The following EP400 variants were observed in gnomAD, a reference collection of about 807,000 sequenced individuals.
EP400 encodes E1A binding protein p400.
EP400 carries 105 observed loss-of-function variants against 354.1 expected under a neutral mutation model. That is an observed-to-expected ratio of 0.30 (90% CI 0.25 to 0.35). EP400 has a LOEUF of 0.35. Ranked by LOEUF, EP400 falls within the 10% of genes least tolerant of loss-of-function variation. EP400 has a pLI of 1.00. For missense variants in EP400, 3,280 were observed against 4,121.0 expected (o/e 0.80, Z 5.59); for synonymous variants, 1,646 against 1,716.9 (o/e 0.96, Z 1.02).
chr12:132,027,416 T>C lies in EP400; in HGVS notation c.5015-21T>C. On this transcript the variant is annotated intron_variant, in intron 25 of 52. Coordinates refer to ENST00000389561, the MANE Select transcript of EP400 (RefSeq NM_015409.5). This position sits in a 1 kb window ranked among gnomAD's most constrained non-coding sequence, Gnocchi z 4.9. ...TGTGAACTTGGCGTTCCTTTTCACC[T>C]CTTCCTTTATGCATTTGTAGTTGGC... The C allele has an allele frequency of 6.2e-7, 1 of 1,613,756 alleles. No individual in the cohort carries two copies. Among genetic ancestry groups the C allele is most frequent in the Admixed American group, 1.7e-5 (1 of 60,034 alleles).
chr12:132,064,107 C>T (rs1484055668), intron 47 of EP400, among the ~76,000 whole-genome samples: 3 of 151,192 alleles, frequency 2.0e-5, no homozygotes, highest in Non-Finnish European at 4.4e-5. Context: ...TACAGCCACA[C>T]AGGTGCCTTG....
At chr12:132,026,344 C>T (rs1363435727) in intron 25 of EP400, among the ~76,000 whole-genome samples, 1 of 152,202 alleles carries the variant, frequency 6.6e-6, no homozygotes, top group Non-Finnish European at 1.5e-5. Flanking sequence ...GAGGCTCTCT[C>T]CTTGGGATGG....
At position 132,013,320 on chromosome 12, in the gene EP400, C is replaced by T. The variant is rs1893824453; in HGVS notation, c.3611+142C>T. 3 of 1,394,328 alleles carry T rather than the reference C, an allele frequency of 2.2e-6. No homozygotes were observed. The highest frequency in any genetic ancestry group is 2.9e-6 in the Non-Finnish European group (3 of 1,040,544). 86.4% of individuals were successfully genotyped at this position (1,394,328 alleles called of 1,614,324 possible). A position where few individuals can be genotyped will look rare whatever the true frequency, so the allele number is the denominator to read the frequency against. On this transcript the variant is annotated intron_variant, in intron 17 of 52. Transcript: ENST00000389561. This position sits in a 1 kb window ranked among gnomAD's most constrained non-coding sequence, Gnocchi z 4.5. ...TTTCATCTTCATCCCAGCACATGGGCCAGAGAGCCCCAGAGCTGGGTCAGT... is the reference window on the plus strand; with the variant it reads ...TTTCATCTTCATCCCAGCACATGGGTCAGAGAGCCCCAGAGCTGGGTCAGT...
At chr12:131,958,988 A>C (rs1891792060) in intron 1 of EP400, among the ~76,000 whole-genome samples, 1 of 152,196 alleles carries the variant, frequency 6.6e-6, no homozygotes, top group Non-Finnish European at 1.5e-5. Context: ...AAGGCACCTC[A>C]AGAAGACAGG....
chr12:132,072,228 C>A (rs986406901), intron 51 of EP400, among the ~76,000 whole-genome samples: 5 of 152,206 alleles, frequency 3.3e-5, no homozygotes, highest in Non-Finnish European at 4.4e-5. Context: ...CCGGAGGGCC[C>A]GGGACCGCAG....
intron 47 of EP400, among the ~76,000 whole-genome samples, chr12:132,063,638 G>A (rs906232581): frequency 1.3e-5 from 2 of 152,182 alleles, no homozygotes; most frequent in Non-Finnish European, 2.9e-5. Flanking sequence ...TGGGCCTGCC[G>A]GAGTGCTTGA....
In EP400 at chr12:132,013,704, T is replaced by C; in HGVS notation, c.3786+40T>C. The C allele has an allele frequency of 6.2e-7, 1 of 1,607,490 alleles. No homozygotes were observed. The highest frequency in any genetic ancestry group is 8.5e-7 in the Non-Finnish European group (1 of 1,176,082). ...GCCATTTCAGTTAATTAATTAAACA[T>C]GCGTATGCCTTGTTATAAACGTGTT... On this transcript the variant is annotated intron_variant, in intron 18 of 52. Transcript: ENST00000389561. The surrounding 1 kb of genome is among the most constrained non-coding windows in gnomAD (Gnocchi z 4.5).
At chr12:132,057,050 G>A (rs984215675) in intron 45 of EP400, among the ~76,000 whole-genome samples, 2 of 152,194 alleles carry the variant, frequency 1.3e-5, no homozygotes, top group Non-Finnish European at 2.9e-5. Flanking sequence ...TGGAAGCAGC[G>A]AGGACCCTCT....
chr12:131,951,082 T>G (rs1024075539), intron 1 of EP400, among the ~76,000 whole-genome samples: 4 of 145,622 alleles, frequency 2.7e-5, no homozygotes, highest in African/African-American at 1.0e-4. Flanking sequence ...TTTTTTTTTT[T>G]TTTTTTTGGA....
At chr12:131,963,717 A>G (rs1242855635) in intron 2 of EP400, 1 of 1,171,640 alleles carries the variant, frequency 8.5e-7, no homozygotes, top group Non-Finnish European at 1.2e-6. Flanking sequence ...CCTTCGATAT[A>G]CTACTTGCTC....
At chr12:131,956,673 C>CAG (rs1176534074) in intron 1 of EP400, among the ~76,000 whole-genome samples, 1 of 152,138 alleles carries the variant, frequency 6.6e-6, no homozygotes, top group Non-Finnish European at 1.5e-5. Flanking sequence ...ATCTTTTCTA[C>CAG]ACCTTCCCAA....
chr12:131,978,705 A>G lies in EP400; in HGVS notation c.1336-989A>G, dbSNP rs916521332. On this transcript the variant is annotated intron_variant, in intron 2 of 52. Transcript: ENST00000389561. ...ATTTTTATTTTTTTGTAGAGACAGG[A>G]TCTTGCTGTGTTGCCCAGGCTGGTT... Among the ~76,000 whole-genome samples, 9 of 151,604 alleles carry G rather than the reference A, an allele frequency of 5.9e-5. No homozygotes were observed. The South Asian group carries it at 6.2e-4, about 11-fold the overall frequency.
At chr12:132,031,431 G>T (rs563307026) in intron 29 of EP400, 2 of 513,376 alleles carry the variant, frequency 3.9e-6, no homozygotes, top group Admixed American at 2.0e-5. Context: ...GTGCATGAGG[G>T]TGTTGGCGAT....
At position 132,029,767 on chromosome 12, in the gene EP400, C is replaced by A; in HGVS notation, c.5448C>A (p.Pro1816=). The A allele has an allele frequency of 6.2e-7, 1 of 1,613,580 alleles. No homozygotes were observed. Among genetic ancestry groups the A allele is most frequent in the Non-Finnish European group, 8.5e-7 (1 of 1,180,028 alleles). The change falls in exon 28 of 53, where the codon CCC becomes CCA. Residue 1816 remains proline, a synonymous_variant. Coordinates refer to ENST00000389561, the MANE Select transcript of EP400 (RefSeq NM_015409.5). This position sits in a 1 kb window ranked among gnomAD's most constrained non-coding sequence, Gnocchi z 4.7. ...CCCTACGGGTGCCGCGGCCGCCACC[C>A]CTGTACAGCCACAGAATGAGGATCT... ...PPSLRVPRPP[P]LYSHRMRILR... is the part of the protein sequence containing the mutation.
In EP400 at chr12:132,017,790, A is replaced by G; in HGVS notation, c.4110+69A>G. 7.0e-7 allele frequency: 1 copy of G among 1,436,354 alleles called. No individual in the cohort carries two copies. Among genetic ancestry groups the G allele is most frequent in the Non-Finnish European group, 9.2e-7 (1 of 1,084,766 alleles). 89.0% of individuals were successfully genotyped at this position (1,436,354 alleles called of 1,614,324 possible). A position where few individuals can be genotyped will look rare whatever the true frequency, so the allele number is the denominator to read the frequency against. ...TTCTAGGCACATTATAGATAAAACC[A>G]TTCTTGGAAATGGGTTCTCAACCAG... On this transcript the variant is annotated intron_variant, in intron 20 of 52. Coordinates refer to ENST00000389561, the MANE Select transcript of EP400 (RefSeq NM_015409.5). The surrounding 1 kb of genome is among the most constrained non-coding windows in gnomAD (Gnocchi z 5.0).
intron 12 of EP400, among the ~76,000 whole-genome samples, chr12:132,001,443 C>T (rs1354237066): frequency 8.5e-5 from 13 of 152,286 alleles, no homozygotes; most frequent in Middle Eastern, 6.8e-3. Context: ...GGCAGAGCCA[C>T]GTGTACAGGA....
In EP400 at chr12:132,030,143, C is replaced by G; in HGVS notation, c.5739C>G (p.Ser1913Arg). The G allele has an allele frequency of 6.2e-7, 1 of 1,614,154 alleles. No homozygotes were observed. Reference sequence around the variant, plus strand: ...ATGTAAGAATCGATGAAAATGCCAGCAGTGAGCAACGGCAGGTGAGAAGCA... The same window carrying G: ...ATGTAAGAATCGATGAAAATGCCAGGAGTGAGCAACGGCAGGTGAGAAGCA... ...LTYVRIDENASSEQRQELMRS... is the reference protein window; with the variant it reads ...LTYVRIDENARSEQRQELMRS... The change falls in exon 29 of 53, where the codon AGC becomes AGG. Residue 1913 changes from serine (S) to arginine (R), a missense_variant. Around this residue, in one of 20 missense-constraint regions of EP400, gnomAD observed 459 missense variants for 496.9 expected, o/e 0.92. Transcript: ENST00000389561.
rs768382601 is a variant in EP400 at position 132,027,751 on chromosome 12, C to G, written c.5109+220C>G. On this transcript the variant is annotated intron_variant, in intron 26 of 52. Coordinates refer to ENST00000389561, the MANE Select transcript of EP400 (RefSeq NM_015409.5). The surrounding 1 kb of genome is among the most constrained non-coding windows in gnomAD (Gnocchi z 4.9). ...TTTTTATGTCCTTCTGCAAGTCTTCCTGGGCATTAGAATTGCTCACTTGTG... is the reference window on the plus strand; with the variant it reads ...TTTTTATGTCCTTCTGCAAGTCTTCGTGGGCATTAGAATTGCTCACTTGTG... 6.6e-6 allele frequency among the ~76,000 whole-genome samples: 1 copy of G among 152,222 alleles called. No homozygotes were observed. Among genetic ancestry groups the G allele is most frequent in the Non-Finnish European group, 1.5e-5 (1 of 68,036 alleles).
intron 35 of EP400, 114 bp from the exon 36 acceptor site, chr12:132,044,557 C>A: frequency 7.6e-7 from 1 of 1,312,336 alleles, no homozygotes; most frequent in Non-Finnish European, 1.1e-6. Flanking sequence ...TATAAATAGT[C>A]ATGTTGATCA....
Sources: allele counts gnomAD v4.1 joint callset (sites outside exome capture counted in the v4.1 genomes callset), GRCh38; gene constraint gnomAD v4.1.1; regional missense constraint gnomAD v4.1.1; non-coding constraint Gnocchi (gnomAD v3.1); transcripts MANE v1.5; gene names NCBI Gene and HGNC (gene_info 2026-07-23, HGNC 2026-07-21).